Variants in CSMD1 observed in about 807,000 individuals in gnomAD.
The protein encoded by CSMD1 is CUB and Sushi multiple domains 1.
In CSMD1, 213 loss-of-function variants were observed where a neutral mutation model predicts 417.5. That is an observed-to-expected ratio of 0.51 (90% CI 0.46 to 0.57). The LOEUF (loss-of-function observed/expected upper bound fraction) is 0.57, where lower values mean the gene tolerates loss of function less well. Among genes scored for constraint, CSMD1 ranks in the 20% least tolerant of loss-of-function variants. The pLI is 0.00. For missense variants in CSMD1, 6,923 were observed against 4,529.7 expected, an observed-to-expected ratio of 1.53 and a Z score of -15.17; for synonymous variants, 2,862 against 1,736.8, an observed-to-expected ratio of 1.65 and a Z score of -16.11.
In CSMD1 at chr8:4,652,042, G is replaced by C. The variant is rs972194693; in HGVS notation, c.86-14484C>G. 3.3e-5 allele frequency among the ~76,000 whole-genome samples: 5 copies of C among 152,158 alleles called. No individual in the cohort carries two copies. The East Asian group carries it at 9.6e-4, about 29-fold the overall frequency. On this transcript the variant is annotated intron_variant, in intron 1 of 69. Coordinates refer to ENST00000635120, the MANE Select transcript of CSMD1 (RefSeq NM_033225.6). ...CTCAGCTTTCCTCTAAGATACCTAT[G>C]AGCCATGATTGAGTCAGGAAGAACT... is the stretch of plus-strand genomic sequence containing the variant.
At position 3,408,122 on chromosome 8, in the gene CSMD1, C is replaced by G. The variant is rs377296703; in HGVS notation, c.1848G>C (p.Ser616=). 9.9e-6 allele frequency: 16 copies of G among 1,613,644 alleles called. No individual in the cohort carries two copies. The African/African-American group carries it at 2.0e-4, about 20-fold the overall frequency. ...TTAGGTGAATTCGACTTCCTGGCTC[C>G]GAGATAATCAACCAGACACAGTTCA... ...NNMNCVWLII[S]EPGSRIHLIF... is the part of the protein sequence containing the mutation. Residue 616 remains serine, a synonymous_variant, in exon 14 of 70, where the codon TCG becomes TCC. Transcript: ENST00000635120.
intron 5 of CSMD1, among the ~76,000 whole-genome samples, chr8:3,889,210 CAAT>C (rs1806776396): frequency 6.6e-6 from 1 of 150,642 alleles, no homozygotes; most frequent in South Asian, 2.1e-4. Flanking sequence ...TTAGCAGCAG[CAAT>C]AATAATTAAT....
intron 10 of CSMD1, among the ~76,000 whole-genome samples, chr8:3,570,269 C>T (rs1325642453): frequency 6.6e-6 from 1 of 152,180 alleles, no homozygotes; most frequent in Admixed American, 6.5e-5. Flanking sequence ...AACCTCTTTC[C>T]TTGGTGTCTG....
In CSMD1 at chr8:3,376,876, T is replaced by C. The variant is rs541960928; in HGVS notation, c.2783-7506A>G. The stretch of plus-strand genomic sequence containing the variant: ...TAACTTTTGTTGCACGAAAAACCCA[T>C]GGGGTTTAAGAGATTGCTTAAGATT... On this transcript the variant is annotated intron_variant, in intron 18 of 69. Coordinates refer to ENST00000635120, the MANE Select transcript of CSMD1 (RefSeq NM_033225.6). 5.3e-5 allele frequency among the ~76,000 whole-genome samples: 8 copies of C among 152,292 alleles called. No homozygotes were observed. The South Asian group carries it at 1.7e-3, about 32-fold the overall frequency.
chr8:3,254,441 G>T (rs1322151364), intron 26 of CSMD1, among the ~76,000 whole-genome samples: 3 of 152,174 alleles, frequency 2.0e-5, no homozygotes, highest in South Asian at 2.1e-4. Context: ...GATTGGGGAA[G>T]TTCTCCTGGT....
At chr8:3,449,794 A>C (rs972914909) in intron 12 of CSMD1, among the ~76,000 whole-genome samples, 1 of 152,250 alleles carries the variant, frequency 6.6e-6, no homozygotes, top group African/African-American at 2.4e-5. Flanking sequence ...CCAGCATTAC[A>C]GGCATGAGCC....
chr8:4,517,635 G>C (rs1416263265), intron 2 of CSMD1, among the ~76,000 whole-genome samples: 3 of 152,136 alleles, frequency 2.0e-5, no homozygotes, highest in African/African-American at 4.8e-5. Flanking sequence ...ACACCTAAGA[G>C]CCACGAAGTT....
chr8:3,067,251 G>A (rs1192464772), intron 49 of CSMD1, among the ~76,000 whole-genome samples: 2 of 152,226 alleles, frequency 1.3e-5, no homozygotes, highest in Non-Finnish European at 2.9e-5. Flanking sequence ...TTATCGTGAC[G>A]TTTTTCCACC....
chr8:4,320,277 A>G (rs1237119034), intron 3 of CSMD1, among the ~76,000 whole-genome samples: 2 of 152,318 alleles, frequency 1.3e-5, no homozygotes, highest in South Asian at 4.1e-4. Flanking sequence ...AAGTAGGAAA[A>G]TAAAATGAAT....
At chr8:4,981,907 C>A (rs917355079) in intron 1 of CSMD1, among the ~76,000 whole-genome samples, 2 of 152,100 alleles carry the variant, frequency 1.3e-5, no homozygotes, top group Non-Finnish European at 2.9e-5. Context: ...TCCCCCAACC[C>A]CACTCCTAAC....
intron 2 of CSMD1, among the ~76,000 whole-genome samples, chr8:4,424,586 C>G (rs978029637): frequency 1.3e-5 from 2 of 152,082 alleles, no homozygotes; most frequent in East Asian, 1.9e-4. Context: ...ATTGGTTGCT[C>G]TTATACTGCT....
intron 5 of CSMD1, among the ~76,000 whole-genome samples, chr8:3,834,567 T>C (rs1802569403): frequency 6.6e-6 from 1 of 152,206 alleles, no homozygotes; most frequent in Non-Finnish European, 1.5e-5. Context: ...AAATGTATCC[T>C]GGCTGTATTA....
intron 41 of CSMD1, among the ~76,000 whole-genome samples, chr8:3,139,839 A>G (rs75570068): frequency 0.044 from 6,686 of 152,026 alleles, 456 homozygotes; most frequent in African/African-American, 0.15. Flanking sequence ...AAATAGTAGG[A>G]AGAGAGGTAC....
chr8:3,666,953 A>G (rs10104546), intron 7 of CSMD1, among the ~76,000 whole-genome samples: 22,365 of 152,232 alleles, frequency 0.15, 1,978 homozygotes, highest in South Asian at 0.22. Flanking sequence ...GAGAAATAAA[A>G]GCATTGCAGT....
intron 10 of CSMD1, among the ~76,000 whole-genome samples, chr8:3,539,965 G>A (rs1307756148): frequency 6.6e-6 from 1 of 152,132 alleles, no homozygotes; most frequent in Non-Finnish European, 1.5e-5. Flanking sequence ...TAGCTAGTTT[G>A]AGAAACAGTC....
chr8:3,158,400 T>C (rs1378151900), intron 38 of CSMD1, among the ~76,000 whole-genome samples: 1 of 152,014 alleles, frequency 6.6e-6, no homozygotes, highest in Non-Finnish European at 1.5e-5. Context: ...TATGGAGAGG[T>C]AGCTTCGGTG....
chr8:4,313,738 G>A (rs949338843), intron 3 of CSMD1, among the ~76,000 whole-genome samples: 7 of 151,986 alleles, frequency 4.6e-5, no homozygotes, highest in East Asian at 1.9e-4. Context: ...GAACTAGGCC[G>A]GGCACAGTGG....
At chr8:4,208,169 G>A (rs551777756) in intron 3 of CSMD1, among the ~76,000 whole-genome samples, 22 of 152,208 alleles carry the variant, frequency 1.4e-4, no homozygotes, top group Admixed American at 9.8e-4. Context: ...GGAGGCTAAG[G>A]TGTTAGAAAT....
At chr8:4,280,470 G>C (rs896975131) in intron 3 of CSMD1, among the ~76,000 whole-genome samples, 3 of 152,138 alleles carry the variant, frequency 2.0e-5, no homozygotes, top group African/African-American at 7.2e-5. Flanking sequence ...ATACATCACT[G>C]TTTCAGTATA....
Sources: allele counts gnomAD v4.1 joint callset (sites outside exome capture counted in the v4.1 genomes callset), GRCh38; gene constraint gnomAD v4.1.1; transcripts MANE v1.5; gene names NCBI Gene and HGNC (gene_info 2026-07-23, HGNC 2026-07-21).